The following NHSL1 variants were observed in gnomAD, a reference collection of about 807,000 sequenced individuals.
The protein encoded by NHSL1 is NHS like 1.
Under a neutral mutation model 95.0 loss-of-function variants are expected in NHSL1, and 48 were observed. The ratio of observed to expected loss-of-function variants is 0.51; its 90% CI spans 0.40 to 0.64. NHSL1 has a LOEUF of 0.64. Among genes scored for constraint, NHSL1 ranks in the 30% least tolerant of loss-of-function variants. The pLI, the probability that NHSL1 is intolerant of heterozygous loss-of-function variation, is 0.00. For synonymous variants in NHSL1, 783 were observed against 833.9 expected, an observed-to-expected ratio of 0.94 and a Z score of 1.05; for missense variants, 1,971 against 2,077.7, an observed-to-expected ratio of 0.95 and a Z score of 1.00.
chr6:138,659,214 T>C (rs184485233), intron 1 of NHSL1, among the ~76,000 whole-genome samples: 15 of 152,048 alleles, frequency 9.9e-5, no homozygotes, highest in Non-Finnish European at 1.8e-4. Flanking sequence ...CACATCCGGC[T>C]AATTTTTGTA....
intron 1 of NHSL1, among the ~76,000 whole-genome samples, chr6:138,685,189 T>C (rs561784657): frequency 6.6e-6 from 1 of 152,326 alleles, no homozygotes; most frequent in Non-Finnish European, 1.5e-5. Context: ...TTCTTTAATA[T>C]AGCAGAAAAC....
chr6:138,567,082 CTATT>C (rs142688128), intron 1 of NHSL1, among the ~76,000 whole-genome samples: 3,779 of 149,028 alleles, frequency 0.025, 153 homozygotes, highest in African/African-American at 0.092. Context: ...CAGAAGGAAG[CTATT>C]TTTTTTTTTG....
At chr6:138,662,145 GAA>G (rs35233641) in intron 1 of NHSL1, among the ~76,000 whole-genome samples, 248 of 140,962 alleles carry the variant, frequency 1.8e-3, no homozygotes, top group African/African-American at 5.3e-3. Flanking sequence ...CTTTTTTTCA[GAA>G]AAAAAAAAAA....
At chr6:138,689,711 G>C (rs1407323820) in intron 1 of NHSL1, among the ~76,000 whole-genome samples, 1 of 152,104 alleles carries the variant, frequency 6.6e-6, no homozygotes, top group Non-Finnish European at 1.5e-5. Flanking sequence ...TGACAAGAAG[G>C]GTGGAATTAA....
chr6:138,449,074 A>T (rs2128222218), intron 3 of NHSL1, among the ~76,000 whole-genome samples: 1 of 147,052 alleles, frequency 6.8e-6, no homozygotes, highest in African/African-American at 2.5e-5. Context: ...AAAAAAAAAA[A>T]ATTCAAACAC....
chr6:138,663,762 T>C (rs111951591), intron 1 of NHSL1, among the ~76,000 whole-genome samples: 6,342 of 151,780 alleles, frequency 0.042, 348 homozygotes, highest in African/African-American at 0.13. Context: ...TCCCAGCTAC[T>C]TGGGAGGTCA....
rs1041567416 is a variant in NHSL1 at position 138,424,397 on chromosome 6, G to A, written c.4505C>T (p.Thr1502Met). 1 of 1,549,882 alleles carries A rather than the reference G, an allele frequency of 6.5e-7. No homozygotes were observed. The highest frequency in any genetic ancestry group is 1.4e-5 in the African/African-American group (1 of 73,122). Residue 1502 changes from threonine (T) to methionine (M), a missense_variant, in exon 8 of 8, where the codon ACG becomes ATG. Around this residue, in one of 3 missense-constraint regions of NHSL1, gnomAD observed 223 missense variants for 217.0 expected, o/e 1.03. Transcript: ENST00000343505. The surrounding 1 kb of genome is among the most constrained non-coding windows in gnomAD (Gnocchi z 5.9). ...CCTGCTGCTGGCGGCAGAAGGCGGC[G>A]TTCGGCTGCGGCCGTACCTGGGGCC... ...FSGPRYGRSR[T>M]PPSAASSRYS...
At chr6:138,490,912 G>A (rs9399240) in intron 2 of NHSL1, among the ~76,000 whole-genome samples, 43,044 of 152,134 alleles carry the variant, frequency 0.28, 7,072 homozygotes, top group Non-Finnish European at 0.36. Context: ...GATTATAGGC[G>A]TGAGCCACCG....
intron 1 of NHSL1, among the ~76,000 whole-genome samples, chr6:138,633,072 T>C (rs1415501506): frequency 2.0e-5 from 3 of 152,114 alleles, no homozygotes; most frequent in Non-Finnish European, 2.9e-5. Flanking sequence ...TACTGAAGAA[T>C]GCATCAGAGT....
intron 3 of NHSL1, among the ~76,000 whole-genome samples, chr6:138,470,162 T>C (rs927967916): frequency 6.6e-6 from 1 of 152,222 alleles, no homozygotes; most frequent in African/African-American, 2.4e-5. Flanking sequence ...TTTAACATTT[T>C]TCTAATATAC....
In NHSL1 at chr6:138,432,822, T is replaced by C; in HGVS notation, c.1523A>G (p.Asn508Ser). 1.3e-6 allele frequency: 2 copies of C among 1,551,638 alleles called. No individual in the cohort carries two copies. Among genetic ancestry groups the C allele is most frequent in the Non-Finnish European group, 1.7e-6 (2 of 1,146,984 alleles). ...DSAVPLNAPA[N>S]RENGSQAMPY... ...CATAGCTTGGGACCCATTCTCCCTATTTGCTGGAGCATTTAGAGGGACGGC... is the reference window on the plus strand; with the variant it reads ...CATAGCTTGGGACCCATTCTCCCTACTTGCTGGAGCATTTAGAGGGACGGC... Residue 508 changes from asparagine to serine, a missense_variant, in exon 6 of 8, where the codon AAT becomes AGT. By Grantham distance (46) the Asn-to-Ser change is conservative (BLOSUM62 1). Coordinates refer to ENST00000343505, the MANE Select transcript of NHSL1 (RefSeq NM_001144060.2). This position sits in a 1 kb window ranked among gnomAD's most constrained non-coding sequence, Gnocchi z 4.4.
intron 1 of NHSL1, among the ~76,000 whole-genome samples, chr6:138,539,852 AT>A (rs1782511967): frequency 6.6e-6 from 1 of 152,184 alleles, no homozygotes; most frequent in Admixed American, 6.5e-5. Flanking sequence ...TAGCATCTCA[AT>A]TTATAGTATT....
upstream of NHSL1, among the ~76,000 whole-genome samples, chr6:138,576,368 C>T (rs1415518831): frequency 2.0e-5 from 3 of 152,206 alleles, no homozygotes; most frequent in East Asian, 5.8e-4. Flanking sequence ...ATGAAAACAT[C>T]TTAACGTAGC....
At position 138,424,185 on chromosome 6, in the gene NHSL1, C is replaced by T. The variant is rs116110066; in HGVS notation, c.4717G>A (p.Ala1573Thr). The T allele has an allele frequency of 2.0e-5, 30 of 1,473,424 alleles. No homozygotes were observed. The highest frequency in any genetic ancestry group is 4.2e-5 in the African/African-American group (3 of 70,654). 91.3% of individuals were successfully genotyped at this position (1,473,424 alleles called of 1,614,324 possible). A position where few individuals can be genotyped will look rare whatever the true frequency, so the allele number is the denominator to read the frequency against. ...CCGGGGGCCTGGGGCTGCAGGGAGG[C>T]GGCAGGCCCCTCCCCACAGAGCAGG... ...GGLLCGEGPA[A>T]SLQPQAPGPV... The change falls in exon 8 of 8, where the codon GCC becomes ACC. Residue 1573 changes from alanine (A) to threonine (T), a missense_variant. Ala to Thr is a moderately conservative substitution (Grantham distance 58, BLOSUM62 0). Around this residue, in one of 3 missense-constraint regions of NHSL1, gnomAD observed 223 missense variants for 217.0 expected, o/e 1.03. Transcript: ENST00000343505. The surrounding 1 kb of genome is among the most constrained non-coding windows in gnomAD (Gnocchi z 5.9).
At chr6:138,565,921 C>A (rs1467027374) in intron 1 of NHSL1, among the ~76,000 whole-genome samples, 1 of 147,044 alleles carries the variant, frequency 6.8e-6, no homozygotes, top group Non-Finnish European at 1.5e-5. Context: ...CCAGCCTGGG[C>A]AACAAAGCAA....
At chr6:138,686,443 C>T (rs1402606244) in intron 1 of NHSL1, among the ~76,000 whole-genome samples, 2 of 152,006 alleles carry the variant, frequency 1.3e-5, no homozygotes. Flanking sequence ...ATCATTTGAG[C>T]CATTGAACTC....
chr6:138,689,543 CA>C (rs1430370430), intron 1 of NHSL1, among the ~76,000 whole-genome samples: 1 of 152,186 alleles, frequency 6.6e-6, no homozygotes, highest in Non-Finnish European at 1.5e-5. Flanking sequence ...AGTGTTTATA[CA>C]TTTTTTTAAA....
chr6:138,472,264 C>A (rs2128246965), intron 3 of NHSL1, among the ~76,000 whole-genome samples: 1 of 151,944 alleles, frequency 6.6e-6, no homozygotes, highest in African/African-American at 2.4e-5. Context: ...AGTAATTTCC[C>A]TTTTGCTTTT....
chr6:138,571,152 A>G (rs1783824868), intron 1 of NHSL1, among the ~76,000 whole-genome samples: 2 of 152,186 alleles, frequency 1.3e-5, no homozygotes, highest in South Asian at 2.1e-4. Context: ...GAAAGGAGAA[A>G]GAAAAAAAAA....
Sources: gnomAD v4.1 joint callset for allele counts (sites outside exome capture counted in the v4.1 genomes callset) on GRCh38, gnomAD v4.1.1 for gene constraint, gnomAD v4.1.1 regional missense constraint, Gnocchi (gnomAD v3.1) non-coding constraint, MANE v1.5 for transcripts, NCBI Gene and HGNC (gene_info 2026-07-23, HGNC 2026-07-21) for gene names.